The following MBNL2 variants were observed in gnomAD, a reference collection of about 807,000 sequenced individuals.
MBNL2 encodes muscleblind-like protein 2.
A neutral mutation model predicts 41.9 loss-of-function variants in MBNL2; 17 were observed. That is an observed-to-expected ratio of 0.41 (90% CI 0.28 to 0.61). The LOEUF (loss-of-function observed/expected upper bound fraction) is 0.61, where lower values mean the gene tolerates loss of function less well. MBNL2 is among the 20% of genes least tolerant of loss of function. MBNL2 has a pLI of 0.35. For missense variants in MBNL2, 336 were observed against 505.6 expected, an observed-to-expected ratio of 0.66 and a Z score of 3.22; for synonymous variants, 195 against 182.9, an observed-to-expected ratio of 1.07 and a Z score of -0.53.
At chr13:97,341,808 A>G (rs1178853566) in intron 3 of MBNL2, among the ~76,000 whole-genome samples, 3 of 152,234 alleles carry the variant, frequency 2.0e-5, no homozygotes, top group African/African-American at 7.2e-5. Context: ...AAGTATGTTT[A>G]TTAAACATAG....
chr13:97,384,689 A>G (rs1594298855), intron 8 of MBNL2, among the ~76,000 whole-genome samples: 4 of 152,174 alleles, frequency 2.6e-5, no homozygotes, highest in South Asian at 2.1e-4. Flanking sequence ...GCTTAGCCCT[A>G]TTTTTAGGAA....
At chr13:97,287,918 G>GTTTTGTT (rs2054901165) in intron 2 of MBNL2, among the ~76,000 whole-genome samples, 1 of 124,630 alleles carries the variant, frequency 8.0e-6, no homozygotes, top group African/African-American at 3.5e-5. Context: ...CTAATTTTCT[G>GTTTTGTT]TTTTTTTTTT....
the MBNL2 span, among the ~76,000 whole-genome samples, chr13:97,160,153 C>T: frequency 1.1e-3 from 166 of 152,218 alleles, 5 homozygotes; most frequent in South Asian, 0.014. Context: ...ATTGCTGTTA[C>T]GGGAAAGCTC....
chr13:97,199,209 C>T, the MBNL2 span, among the ~76,000 whole-genome samples: 4 of 152,308 alleles, frequency 2.6e-5, no homozygotes, highest in African/African-American at 4.8e-5. Context: ...TGAGAACTGG[C>T]TCCCTTACAT....
chr13:97,380,589 C>T (rs1254925204), intron 8 of MBNL2, among the ~76,000 whole-genome samples: 3 of 152,168 alleles, frequency 2.0e-5, no homozygotes, highest in African/African-American at 2.4e-5. Flanking sequence ...AGTTCCTGCT[C>T]TCATGGGTCT....
chr13:97,336,650 G>C (rs1348864313), intron 3 of MBNL2, among the ~76,000 whole-genome samples: 2 of 152,144 alleles, frequency 1.3e-5, no homozygotes, highest in Admixed American at 1.3e-4. Flanking sequence ...TTCTCCCCTA[G>C]AGCCTCTGGA....
the MBNL2 span, among the ~76,000 whole-genome samples, chr13:97,213,095 G>T: frequency 2.0e-5 from 3 of 152,164 alleles, no homozygotes; most frequent in Non-Finnish European, 2.9e-5. Flanking sequence ...ATAGAAAGTA[G>T]CATTGAGGTG....
chr13:97,183,046 C>T, the MBNL2 span, among the ~76,000 whole-genome samples: 1 of 152,116 alleles, frequency 6.6e-6, no homozygotes, highest in African/African-American at 2.4e-5. Context: ...TATGTAATTG[C>T]TATATAGTTA....
upstream of MBNL2, among the ~76,000 whole-genome samples, chr13:97,219,184 A>G (rs979766335): frequency 2.0e-5 from 3 of 152,172 alleles, no homozygotes; most frequent in Non-Finnish European, 4.4e-5. Flanking sequence ...ATTTGCATGC[A>G]CATTAACATT....
chr13:97,250,123 T>A (rs1245113385), intron 1 of MBNL2, among the ~76,000 whole-genome samples: 1 of 152,240 alleles, frequency 6.6e-6, no homozygotes, highest in Non-Finnish European at 1.5e-5. Context: ...ATTTCTTTTT[T>A]CTCTCCAGGA....
intron 2 of MBNL2, among the ~76,000 whole-genome samples, chr13:97,322,156 C>A (rs913040871): frequency 1.3e-5 from 2 of 152,150 alleles, no homozygotes; most frequent in Non-Finnish European, 2.9e-5. Context: ...CGCTTCCACC[C>A]TCAGGAGGTG....
intron 1 of MBNL2, among the ~76,000 whole-genome samples, chr13:97,258,936 GCT>G (rs1260662232): frequency 6.6e-6 from 1 of 152,192 alleles, no homozygotes; most frequent in Non-Finnish European, 1.5e-5. Flanking sequence ...AGGAAGGCCT[GCT>G]CTCTCTGGCC....
At chr13:97,165,209 G>C in the MBNL2 span, among the ~76,000 whole-genome samples, 11 of 149,990 alleles carry the variant, frequency 7.3e-5, no homozygotes, top group East Asian at 2.1e-3. Context: ...ATGTCCAAAA[G>C]AAAAAAAAAC....
In MBNL2 at chr13:97,334,174, A is replaced by C; in HGVS notation, c.175-102A>C. On this transcript the variant is annotated intron_variant, in intron 2 of 8. Coordinates refer to ENST00000679496, the MANE Select transcript of MBNL2 (RefSeq NM_001382683.1). The surrounding 1 kb of genome is among the most constrained non-coding windows in gnomAD (Gnocchi z 5.3). ...CACACACACACACACACACACACAC[A>C]CAGGATCCTTGCTTTTGTGCATAAG... 1.1e-6 allele frequency: 1 copy of C among 882,712 alleles called. No homozygotes were observed. The highest frequency in any genetic ancestry group is 1.8e-6 in the Non-Finnish European group (1 of 564,406). 54.7% of individuals were successfully genotyped at this position (882,712 alleles called of 1,614,324 possible). A position where few individuals can be genotyped will look rare whatever the true frequency, so the allele number is the denominator to read the frequency against.
chr13:97,335,722 GAAGT>G (rs2153067883), intron 3 of MBNL2, among the ~76,000 whole-genome samples: 2 of 152,282 alleles, frequency 1.3e-5, no homozygotes, highest in Non-Finnish European at 2.9e-5. Flanking sequence ...CTGCCTGGAG[GAAGT>G]CTCAAATAAG....
At chr13:97,223,388 G>A (rs1056269682) in intron 1 of MBNL2, among the ~76,000 whole-genome samples, 1 of 152,236 alleles carries the variant, frequency 6.6e-6, no homozygotes, top group Non-Finnish European at 1.5e-5. Flanking sequence ...TGGCCCAGGA[G>A]AAGGAAAGGA....
upstream of MBNL2, among the ~76,000 whole-genome samples, chr13:97,218,915 T>C (rs1011480155): frequency 6.6e-6 from 1 of 151,438 alleles, no homozygotes; most frequent in East Asian, 1.9e-4. Context: ...AGAGAGTCAA[T>C]TGTGACTTCT....
At position 97,230,902 on chromosome 13, in the gene MBNL2, C is replaced by T. The variant is rs76465754; in HGVS notation, c.-605+8371C>T. 8.8e-3 allele frequency among the ~76,000 whole-genome samples: 1,337 copies of T among 152,254 alleles called. 11 individuals are homozygous for T. Among genetic ancestry groups the T allele is most frequent in the Non-Finnish European group, 0.013 (868 of 68,026 alleles). ...AGGGAACCTTTGTAGCTGTATCTCT[C>T]GTATATACAGTTGACTTTTTAAAAG... is the stretch of plus-strand genomic sequence containing the variant. On this transcript the variant is annotated intron_variant, in intron 1 of 8. Transcript: ENST00000679496.
intron 2 of MBNL2, among the ~76,000 whole-genome samples, chr13:97,301,751 G>A (rs1030259189): frequency 3.9e-5 from 6 of 152,290 alleles, no homozygotes; most frequent in Admixed American, 1.3e-4. Flanking sequence ...GTTTAGATGC[G>A]GGGTTTAGTT....
Sources: gnomAD v4.1 joint callset for allele counts (sites outside exome capture counted in the v4.1 genomes callset) on GRCh38, gnomAD v4.1.1 for gene constraint, Gnocchi (gnomAD v3.1) non-coding constraint, MANE v1.5 for transcripts, NCBI Gene and HGNC (gene_info 2026-07-23, HGNC 2026-07-21) for gene names.